The following DLGAP1 variants were observed in gnomAD, a reference collection of about 807,000 sequenced individuals.
The protein encoded by DLGAP1 is disks large-associated protein 1.
A neutral mutation model predicts 90.8 loss-of-function variants in DLGAP1; 11 were observed. That is an observed-to-expected ratio of 0.12 (90% CI 0.08 to 0.20). The LOEUF is 0.20. DLGAP1 is among the 10% of genes least tolerant of loss of function. The probability of loss-of-function intolerance (pLI) is 1.00; values close to 1 mark genes in which losing one functional copy is unlikely to be tolerated. For missense variants in DLGAP1, 1,050 were observed against 1,333.8 expected, an observed-to-expected ratio of 0.79 and a Z score of 3.31; for synonymous variants, 558 against 540.7, an observed-to-expected ratio of 1.03 and a Z score of -0.44.
intron 7 of DLGAP1, among the ~76,000 whole-genome samples, chr18:3,715,743 C>T (rs1168577433): frequency 2.0e-5 from 3 of 152,032 alleles, no homozygotes; most frequent in Admixed American, 6.6e-5. Flanking sequence ...GAAAGCATGC[C>T]CTTGAGAGCT....
At chr18:4,164,123 A>G (rs539536921) in intron 1 of DLGAP1, among the ~76,000 whole-genome samples, 4 of 152,298 alleles carry the variant, frequency 2.6e-5, no homozygotes, top group African/African-American at 7.2e-5. Flanking sequence ...GGTCCATAGA[A>G]GTAGGCCAGA....
chr18:4,085,195 T>C lies in DLGAP1; in HGVS notation c.-159+65985A>G, dbSNP rs1213046562. On this transcript the variant is annotated intron_variant, in intron 2 of 12. Transcript: ENST00000315677. ...AAGGGGAAATACTATTTGCAGAATC[T>C]AATTGTCAGCCTTTTTAAAAAATCA... Among the ~76,000 whole-genome samples the C allele has an allele frequency of 2.0e-5, 3 of 152,206 alleles. No homozygotes were observed. The East Asian group carries it at 5.8e-4, about 29-fold the overall frequency.
intron 3 of DLGAP1, among the ~76,000 whole-genome samples, chr18:3,900,082 C>A (rs1208691327): frequency 6.6e-6 from 1 of 152,096 alleles, no homozygotes; most frequent in Non-Finnish European, 1.5e-5. Context: ...ATGAACTCTG[C>A]AAAAAGGATT....
chr18:3,918,308 A>G (rs1003532477), intron 3 of DLGAP1, among the ~76,000 whole-genome samples: 1 of 152,210 alleles, frequency 6.6e-6, no homozygotes, highest in Non-Finnish European at 1.5e-5. Context: ...AAGTACGTAA[A>G]CTGAACACGG....
At position 3,539,384 on chromosome 18, in the gene DLGAP1, A is replaced by T. The variant is rs191656434; in HGVS notation, c.2058-4769T>A. Among the ~76,000 whole-genome samples the T allele has an allele frequency of 1.6e-4, 25 of 152,352 alleles. No homozygotes were observed. In the East Asian group the frequency reaches 4.6e-3, roughly 28 times the overall value. Reference sequence around the variant, plus strand: ...TGGCTCTTCATGCCCCTGCAGGCACAGTGTGTAATAATTACAACTTCTGAA... The same window carrying T: ...TGGCTCTTCATGCCCCTGCAGGCACTGTGTGTAATAATTACAACTTCTGAA... On this transcript the variant is annotated intron_variant, in intron 9 of 12. Coordinates refer to ENST00000315677, the MANE Select transcript of DLGAP1 (RefSeq NM_004746.4).
At position 3,879,043 on chromosome 18, in the gene DLGAP1, C is replaced by T. The variant is rs932639753; in HGVS notation, c.957+69G>A. 7 of 1,313,144 alleles carry T rather than the reference C, an allele frequency of 5.3e-6. No homozygotes were observed. Among genetic ancestry groups the T allele is most frequent in the African/African-American group, 1.5e-5 (1 of 67,086 alleles). The allele number at this position is 1,313,144 out of a possible 1,614,324, so 81.3% of individuals were successfully genotyped here. On this transcript the variant is annotated intron_variant, in intron 4 of 12. Transcript: ENST00000315677. This position sits in a 1 kb window ranked among gnomAD's most constrained non-coding sequence, Gnocchi z 6.6. ...ATTCAGAGTAGTGCCAAGACTAGAA[C>T]CAGGAGAAATGCCCACACAAGCATG... is the stretch of plus-strand genomic sequence containing the variant.
At chr18:3,778,711 A>G (rs1190173286) in intron 5 of DLGAP1, among the ~76,000 whole-genome samples, 1 of 152,182 alleles carries the variant, frequency 6.6e-6, no homozygotes, top group Non-Finnish European at 1.5e-5. Flanking sequence ...GTGAAGCAGA[A>G]AGGCTAGGCA....
chr18:3,731,385 C>T (rs1461568297), intron 6 of DLGAP1, among the ~76,000 whole-genome samples: 1 of 152,024 alleles, frequency 6.6e-6, no homozygotes, highest in Non-Finnish European at 1.5e-5. Context: ...AATTCTGCAA[C>T]TTGTTGGTTT....
At chr18:4,288,242 A>C (rs1428232969) in intron 1 of DLGAP1, among the ~76,000 whole-genome samples, 1 of 152,116 alleles carries the variant, frequency 6.6e-6, no homozygotes, top group Non-Finnish European at 1.5e-5. Flanking sequence ...TTTCCACTCC[A>C]CAAGAAAGTA....
intron 1 of DLGAP1, among the ~76,000 whole-genome samples, chr18:4,398,195 C>T (rs966137132): frequency 6.6e-6 from 1 of 152,116 alleles, no homozygotes; most frequent in Non-Finnish European, 1.5e-5. Context: ...CTATGAAAAG[C>T]AAACAGTGAA....
intron 3 of DLGAP1, among the ~76,000 whole-genome samples, chr18:3,931,352 G>A (rs1016054602): frequency 1.3e-5 from 2 of 152,132 alleles, no homozygotes; most frequent in Non-Finnish European, 2.9e-5. Flanking sequence ...GTTCTGCCCT[G>A]TTCACCGGGT....
intron 5 of DLGAP1, among the ~76,000 whole-genome samples, chr18:3,772,763 T>C (rs11664689): frequency 0.47 from 71,740 of 151,754 alleles, 18,129 homozygotes; most frequent in East Asian, 0.72. Flanking sequence ...CCTGGGAGCT[T>C]GTTAGGCATG....
At chr18:4,265,942 A>G (rs1293529554) in intron 1 of DLGAP1, among the ~76,000 whole-genome samples, 2 of 151,276 alleles carry the variant, frequency 1.3e-5, no homozygotes, top group Admixed American at 6.6e-5. Context: ...CCCTCCTCAG[A>G]CTCCAGAAGT....
At chr18:4,185,628 TACC>T (rs2077280629) in intron 1 of DLGAP1, among the ~76,000 whole-genome samples, 3 of 152,172 alleles carry the variant, frequency 2.0e-5, no homozygotes, top group Non-Finnish European at 2.9e-5. Context: ...GGTGTACATG[TACC>T]ACATTTTGGA....
At chr18:4,258,254 G>A in intron 1 of DLGAP1, among the ~76,000 whole-genome samples, 1 of 151,712 alleles carries the variant, frequency 6.6e-6, no homozygotes, top group Admixed American at 6.5e-5. Flanking sequence ...GTGTTGCTCA[G>A]GCTGGTCTCG....
At chr18:4,160,589 A>G (rs2144501446) in intron 1 of DLGAP1, among the ~76,000 whole-genome samples, 1 of 152,334 alleles carries the variant, frequency 6.6e-6, no homozygotes, top group East Asian at 1.9e-4. Flanking sequence ...ATCCCTCAGA[A>G]GACTGAGATG....
intron 5 of DLGAP1, among the ~76,000 whole-genome samples, chr18:3,749,148 CTTTTTTTTTT>C (rs776707431): frequency 1.5e-4 from 18 of 120,668 alleles, no homozygotes; most frequent in South Asian, 5.8e-4. Flanking sequence ...TCTTCTTCTT[CTTTTTTTTTT>C]TTTTTTTTTT....
At chr18:4,355,732 A>G (rs1264694912) in intron 1 of DLGAP1, among the ~76,000 whole-genome samples, 2 of 131,456 alleles carry the variant, frequency 1.5e-5, no homozygotes, top group African/African-American at 5.5e-5. Flanking sequence ...TACATGGGAC[A>G]ATCCGGGATC....
At chr18:3,609,153 G>A (rs572505821) in intron 7 of DLGAP1, among the ~76,000 whole-genome samples, 1 of 99,562 alleles carries the variant, frequency 1.0e-5, no homozygotes, top group South Asian at 3.3e-4. Context: ...CTCCCTTGCA[G>A]TGTCCTCAGC....
Sources: allele counts gnomAD v4.1 joint callset (sites outside exome capture counted in the v4.1 genomes callset), GRCh38; gene constraint gnomAD v4.1.1; non-coding constraint Gnocchi (gnomAD v3.1); transcripts MANE v1.5; gene names NCBI Gene and HGNC (gene_info 2026-07-23, HGNC 2026-07-21).